Variants in NALCN observed in about 807,000 individuals in gnomAD.
The protein encoded by NALCN is sodium leak channel, non-selective, also known as sodium leak channel NALCN.
A neutral mutation model predicts 225.3 loss-of-function variants in NALCN; 111 were observed. The ratio of observed to expected loss-of-function variants is 0.49; its 90% confidence interval spans 0.42 to 0.58. The LOEUF (loss-of-function observed/expected upper bound fraction) is 0.58, where lower values mean the gene tolerates loss of function less well. Among genes scored for constraint, NALCN ranks in the 20% least tolerant of loss-of-function variants. The pLI, the probability that NALCN is intolerant of heterozygous loss-of-function variation, is 0.00. For missense variants in NALCN, 1,378 were observed against 2,202.4 expected (o/e 0.63, Z 7.49); for synonymous variants, 764 against 769.0 (o/e 0.99, Z 0.11).
chr13:101,204,352 A>G (rs192703909), intron 13 of NALCN, among the ~76,000 whole-genome samples: 1 of 152,120 alleles, frequency 6.6e-6, no homozygotes, highest in East Asian at 1.9e-4. Flanking sequence ...TTCAAAATGA[A>G]CCCACATTAT....
At chr13:101,063,782 G>A (rs2032150981) in intron 40 of NALCN, among the ~76,000 whole-genome samples, 1 of 151,734 alleles carries the variant, frequency 6.6e-6, no homozygotes, top group Non-Finnish European at 1.5e-5. Context: ...GAGTTCTCCT[G>A]AAATTTGAGA....
chr13:101,362,756 A>C (rs2046284032), intron 6 of NALCN, among the ~76,000 whole-genome samples: 1 of 152,116 alleles, frequency 6.6e-6, no homozygotes, highest in Non-Finnish European at 1.5e-5. Context: ...CAGATAAGAG[A>C]AAGAAATAAA....
In NALCN at chr13:101,376,996, G is replaced by A. The variant is rs767143727; in HGVS notation, c.436C>T (p.Arg146Trp). 3.1e-6 allele frequency: 5 copies of A among 1,613,988 alleles called. No individual in the cohort carries two copies. The highest frequency in any genetic ancestry group is 2.5e-6 in the Non-Finnish European group (3 of 1,180,016). The change falls in exon 5 of 44, where the codon CGG becomes TGG. Residue 146 changes from arginine to tryptophan, a missense_variant. Around this residue, in one of 19 missense-constraint regions of NALCN, gnomAD observed 146 missense variants for 205.9 expected, o/e 0.71. Transcript: ENST00000251127. ...MSPWGMLRIP[R>W]PLIMIRAFRI... is the part of the protein sequence containing the mutation. ...AATGCTCGGATCATAATCAGTGGCCGTGGAATCCGCAACATGCCCCAAGGT... is the reference window on the plus strand; with the variant it reads ...AATGCTCGGATCATAATCAGTGGCCATGGAATCCGCAACATGCCCCAAGGT...
intron 7 of NALCN, among the ~76,000 whole-genome samples, chr13:101,303,990 T>C (rs1034496991): frequency 6.6e-6 from 1 of 152,228 alleles, no homozygotes; most frequent in Admixed American, 6.5e-5. Context: ...ACTTTAATAG[T>C]ATTTTATTTA....
At chr13:101,296,036 C>T (rs1422888199) in intron 7 of NALCN, among the ~76,000 whole-genome samples, 1 of 152,170 alleles carries the variant, frequency 6.6e-6, no homozygotes, top group Non-Finnish European at 1.5e-5. Context: ...CACTGCTTCC[C>T]TCTGGCCCTC....
chr13:101,093,818 A>G (rs2034362028), intron 28 of NALCN, among the ~76,000 whole-genome samples: 1 of 152,182 alleles, frequency 6.6e-6, no homozygotes, highest in Non-Finnish European at 1.5e-5. Context: ...TATAACTCAT[A>G]TAACAATCCC....
chr13:101,084,129 G>T (rs2033812834), intron 30 of NALCN, among the ~76,000 whole-genome samples: 1 of 152,186 alleles, frequency 6.6e-6, no homozygotes, highest in Non-Finnish European at 1.5e-5. Context: ...ACTAATAGTA[G>T]TTAGTTTCCT....
intron 20 of NALCN, among the ~76,000 whole-genome samples, chr13:101,109,865 C>G (rs1255377579): frequency 6.6e-6 from 1 of 152,142 alleles, no homozygotes; most frequent in Non-Finnish European, 1.5e-5. Context: ...AAATCCCCAC[C>G]TTTGATTTAT....
chr13:101,134,849 T>G (rs2139747437), intron 17 of NALCN, among the ~76,000 whole-genome samples: 1 of 152,328 alleles, frequency 6.6e-6, no homozygotes, highest in Non-Finnish European at 1.5e-5. Flanking sequence ...AGCAATATCT[T>G]CGAGTACTGA....
chr13:101,199,789 G>A (rs968931417), intron 13 of NALCN, among the ~76,000 whole-genome samples: 13 of 151,942 alleles, frequency 8.6e-5, no homozygotes, highest in African/African-American at 3.1e-4. Flanking sequence ...CTAGAACTTA[G>A]AGTATAAATA....
chr13:101,204,868 G>A (rs1000928443), intron 13 of NALCN, among the ~76,000 whole-genome samples: 4 of 152,120 alleles, frequency 2.6e-5, no homozygotes, highest in African/African-American at 9.7e-5. Context: ...TTTGTATGGT[G>A]CTTTGCAATT....
chr13:101,174,774 A>G (rs991075913), intron 15 of NALCN, among the ~76,000 whole-genome samples: 2 of 152,228 alleles, frequency 1.3e-5, no homozygotes, highest in Non-Finnish European at 2.9e-5. Flanking sequence ...ACCTGGCGGT[A>G]GCACTAGCTA....
At chr13:101,383,511 G>T (rs567461943) in intron 3 of NALCN, among the ~76,000 whole-genome samples, 1 of 152,310 alleles carries the variant, frequency 6.6e-6, no homozygotes, top group Non-Finnish European at 1.5e-5. Flanking sequence ...TGTGTTTGCA[G>T]CACCCAGTAC....
intron 39 of NALCN, among the ~76,000 whole-genome samples, chr13:101,066,722 G>A (rs1010082489): frequency 5.3e-5 from 8 of 152,152 alleles, no homozygotes; most frequent in Non-Finnish European, 1.2e-4. Context: ...CAAGACTGAA[G>A]CCTGGGCGGG....
chr13:101,186,586 A>C (rs2039457404), intron 14 of NALCN, among the ~76,000 whole-genome samples: 1 of 152,168 alleles, frequency 6.6e-6, no homozygotes, highest in Non-Finnish European at 1.5e-5. Context: ...TAGAAGTGAT[A>C]ATCTTTGTTT....
intron 32 of NALCN, 60 bp from the exon 33 acceptor site, chr13:101,082,943 C>G (rs1183958389): frequency 6.3e-7 from 1 of 1,595,724 alleles, no homozygotes; most frequent in Non-Finnish European, 8.6e-7. Context: ...ACAGGCTTGC[C>G]CCTCTTCTGC....
intron 33 of NALCN, among the ~76,000 whole-genome samples, chr13:101,081,925 T>C (rs1016042639): frequency 2.6e-5 from 4 of 152,196 alleles, no homozygotes; most frequent in Non-Finnish European, 5.9e-5. Flanking sequence ...TCACCCAGGC[T>C]GGAGTGCAGT....
intron 15 of NALCN, among the ~76,000 whole-genome samples, chr13:101,159,659 G>A (rs953976031): frequency 7.9e-5 from 12 of 152,330 alleles, no homozygotes; most frequent in South Asian, 2.1e-4. Context: ...TTTCCCGGAT[G>A]AGAATTTTAG....
intron 34 of NALCN, among the ~76,000 whole-genome samples, chr13:101,080,710 T>G (rs1198887528): frequency 6.8e-6 from 1 of 146,722 alleles, no homozygotes; most frequent in African/African-American, 2.5e-5. Context: ...AATGCATCTT[T>G]TAATTAATAC....
Sources: gnomAD v4.1 joint callset for allele counts (sites outside exome capture counted in the v4.1 genomes callset) on GRCh38, gnomAD v4.1.1 for gene constraint, gnomAD v4.1.1 regional missense constraint, MANE v1.5 for transcripts, NCBI Gene and HGNC (gene_info 2026-07-23, HGNC 2026-07-21) for gene names.